IL1RL1: variants seen among roughly 807,000 people sequenced by gnomAD.
The protein encoded by IL1RL1 is interleukin 1 receptor like 1, also known as interleukin-1 receptor-like 1.
In IL1RL1, 32 loss-of-function variants were observed where a neutral mutation model predicts 50.9. That is an observed-to-expected ratio of 0.63 (90% CI 0.47 to 0.84). The LOEUF is 0.84. IL1RL1 is among the 40% of genes least tolerant of loss of function. The pLI, the probability that IL1RL1 is intolerant of heterozygous loss-of-function variation, is 0.00. For synonymous variants in IL1RL1, 275 were observed against 236.0 expected (o/e 1.17, Z -1.51); for missense variants, 773 against 662.9 (o/e 1.17, Z -1.82).
intron 1 of IL1RL1, among the ~76,000 whole-genome samples, chr2:102,319,912 C>T (rs1334574458): frequency 6.6e-6 from 1 of 152,176 alleles, no homozygotes; most frequent in Non-Finnish European, 1.5e-5. Flanking sequence ...TAGTGTTGAA[C>T]TCCTGGGCTC....
downstream of IL1RL1, among the ~76,000 whole-genome samples, chr2:102,352,347 T>C (rs1275742978): frequency 7.5e-6 from 1 of 133,602 alleles, no homozygotes; most frequent in Non-Finnish European, 1.6e-5. Context: ...TAAATCTTGT[T>C]CCCAACATGC....
In IL1RL1 at chr2:102,335,409, G is replaced by A. The variant is rs377004171; in HGVS notation, c.-149-2707G>A. Among the ~76,000 whole-genome samples the A allele has an allele frequency of 7.8e-4, 119 of 152,156 alleles. 1 individual carries two copies. In the South Asian group the frequency reaches 0.023, roughly 30 times the overall value. ...GGGGGGAGAAAAGCTTGACTTTGAA[G>A]TTCAGCAAGTCTGGTTTCAACCCCA... On this transcript the variant is annotated intron_variant, in intron 1 of 10. Coordinates refer to ENST00000233954, the MANE Select transcript of IL1RL1 (RefSeq NM_016232.5).
chr2:102,351,277 G>A (rs1438688509), intron 10 of IL1RL1, among the ~76,000 whole-genome samples: 1 of 152,128 alleles, frequency 6.6e-6, no homozygotes, highest in Non-Finnish European at 1.5e-5. Flanking sequence ...CCATTTACTT[G>A]GAAGGACTCT....
rs1677943588 is a variant in IL1RL1, at chr2:102,351,770, AGGGGACCATCAAGTGGAG to A, written c.1523_1540del (p.Gly508_Arg513del). On this transcript the variant is annotated inframe_deletion, in exon 11 of 11. Coordinates refer to ENST00000233954, the MANE Select transcript of IL1RL1 (RefSeq NM_016232.5). ...TCCCTCCAGCATCTTATGAAAGTAC[AGGGGACCATCAAGTGGAG>A]GGAGGACCACATTGCCAATAAAAGG... 1 of 1,614,000 alleles carries A rather than the reference AGGGGACCATCAAGTGGAG, an allele frequency of 6.2e-7. No individual in the cohort carries two copies. The highest frequency in any genetic ancestry group is 1.7e-5 in the Admixed American group (1 of 60,006).
chr2:102,341,022 A>T (rs1477865513), intron 5 of IL1RL1, among the ~76,000 whole-genome samples, 194 bp downstream of exon 5: 1 of 152,194 alleles, frequency 6.6e-6, no homozygotes, highest in East Asian at 1.9e-4. Flanking sequence ...AAGAAATTTC[A>T]GGGGGAAATT....
intron 1 of IL1RL1, among the ~76,000 whole-genome samples, chr2:102,336,089 T>A (rs1436167767): frequency 6.6e-6 from 1 of 152,108 alleles, no homozygotes; most frequent in Non-Finnish European, 1.5e-5. Flanking sequence ...CCAGCCCCCA[T>A]GGGGAGCAAA....
chr2:102,343,249 A>G (rs1379139881), intron 7 of IL1RL1, 21 bp from the exon 8 acceptor site: 9 of 1,614,176 alleles, frequency 5.6e-6, no homozygotes, highest in Non-Finnish European at 7.6e-6. Context: ...AGGCATTAAA[A>G]GTAACAGGTT....
At chr2:102,351,105 G>T (rs934100554) in intron 10 of IL1RL1, among the ~76,000 whole-genome samples, 1 of 152,082 alleles carries the variant, frequency 6.6e-6, no homozygotes, top group African/African-American at 2.4e-5. Flanking sequence ...AATTTTGAGG[G>T]GCAAAGCTTC....
intron 1 of IL1RL1, among the ~76,000 whole-genome samples, chr2:102,316,110 C>T (rs948959524): frequency 3.9e-5 from 6 of 152,100 alleles, no homozygotes; most frequent in East Asian, 1.9e-4. Context: ...ACCCTTATGA[C>T]GAAAGCATTC....
chr2:102,321,288 T>G (rs1021049247), intron 1 of IL1RL1, among the ~76,000 whole-genome samples: 6 of 152,242 alleles, frequency 3.9e-5, no homozygotes, highest in Non-Finnish European at 8.8e-5. Flanking sequence ...CTGTAGGACA[T>G]GAATTCCACA....
chr2:102,320,271 T>A (rs1441374722), intron 1 of IL1RL1, among the ~76,000 whole-genome samples: 1 of 152,182 alleles, frequency 6.6e-6, no homozygotes, highest in African/African-American at 2.4e-5. Context: ...GGTCACTTCA[T>A]GCCAGATGCT....
intron 1 of IL1RL1, among the ~76,000 whole-genome samples, chr2:102,334,506 G>T (rs1677257419): frequency 6.6e-6 from 1 of 152,012 alleles, no homozygotes; most frequent in Non-Finnish European, 1.5e-5. Flanking sequence ...CCCATCCACT[G>T]CAGGTCCTGA....
intron 1 of IL1RL1, among the ~76,000 whole-genome samples, chr2:102,337,891 G>C (rs1177545716): frequency 2.0e-5 from 3 of 151,920 alleles, no homozygotes; most frequent in Non-Finnish European, 4.4e-5. Context: ...ATATAACTGC[G>C]AAGTAGCATG....
At chr2:102,315,097 A>T (rs940501248) in intron 1 of IL1RL1, among the ~76,000 whole-genome samples, 1 of 152,114 alleles carries the variant, frequency 6.6e-6, no homozygotes, top group South Asian at 2.1e-4. Context: ...CCTGTCTCTC[A>T]GGAGCCTTGC....
intron 3 of IL1RL1, among the ~76,000 whole-genome samples, chr2:102,339,809 G>A (rs1486987621): frequency 6.6e-6 from 1 of 152,148 alleles, no homozygotes; most frequent in Non-Finnish European, 1.5e-5. Flanking sequence ...TGAATAAATA[G>A]TAATTATCTT....
chr2:102,326,049 G>A (rs1559597561), intron 1 of IL1RL1, among the ~76,000 whole-genome samples: 1 of 152,120 alleles, frequency 6.6e-6, no homozygotes, highest in Non-Finnish European at 1.5e-5. Flanking sequence ...ACACATAATT[G>A]TCAGATTCAC....
At chr2:102,352,092 T>G (rs1282001337), downstream of IL1RL1, 1 of 638,798 alleles carries the variant, frequency 1.6e-6, no homozygotes, top group Non-Finnish European at 2.5e-6. Flanking sequence ...GGATGCAAAA[T>G]GGCCAGAAAT....
At chr2:102,313,812 C>T (rs187567479) in intron 1 of IL1RL1, among the ~76,000 whole-genome samples, 33 of 152,234 alleles carry the variant, frequency 2.2e-4, no homozygotes, top group East Asian at 1.2e-3. Context: ...TGGGAGCATG[C>T]ATGTGTGTGT....
intron 1 of IL1RL1, among the ~76,000 whole-genome samples, chr2:102,314,944 C>A (rs1676633869): frequency 6.6e-6 from 1 of 152,066 alleles, no homozygotes; most frequent in South Asian, 2.1e-4. Flanking sequence ...CTGGAAGATT[C>A]TGAGTTATTT....
Sources: allele counts gnomAD v4.1 joint callset (sites outside exome capture counted in the v4.1 genomes callset), GRCh38; gene constraint gnomAD v4.1.1; transcripts MANE v1.5; gene names NCBI Gene and HGNC (gene_info 2026-07-23, HGNC 2026-07-21).